Variants in LAP3 observed in about 807,000 individuals in gnomAD.
The protein encoded by LAP3 is cytosol aminopeptidase.
A neutral mutation model predicts 58.8 loss-of-function variants in LAP3; 46 were observed. The ratio of observed to expected loss-of-function variants is 0.78; its 90% CI spans 0.62 to 1.00. The LOEUF is 1.00. Among genes scored for constraint, LAP3 ranks in the 50% least tolerant of loss-of-function variants. The pLI is 0.00. For missense variants in LAP3, 615 were observed against 659.1 expected, an observed-to-expected ratio of 0.93 and a Z score of 0.73; for synonymous variants, 257 against 237.7, an observed-to-expected ratio of 1.08 and a Z score of -0.75.
In LAP3 at chr4:17,598,569, G is replaced by T. The variant is rs763777705; in HGVS notation, c.1180+11G>T. 1.3e-6 allele frequency: 2 copies of T among 1,579,788 alleles called. No individual in the cohort carries two copies. The highest frequency in any genetic ancestry group is 4.5e-5 in the East Asian group (2 of 44,738). ...CCGCCACCTTAACAGGTCAGACCGC[G>T]CACTTGCCTTGATTTTGTTTGAAGG... is the stretch of plus-strand genomic sequence containing the variant. On this transcript the variant is annotated intron_variant, in intron 10 of 12. Transcript: ENST00000226299.
chr4:17,604,582 T>G lies in LAP3; in HGVS notation c.1181-6T>G. On this transcript the variant is annotated splice_polypyrimidine_tract_variant and splice_region_variant and intron_variant, in intron 10 of 12. Transcript: ENST00000226299. ...TGCACGTGACCTGAGGGCTTGTGTCTTACAGGTGCCATGGATGTAGCTTTG... is the reference window on the plus strand; with the variant it reads ...TGCACGTGACCTGAGGGCTTGTGTCGTACAGGTGCCATGGATGTAGCTTTG... The G allele has an allele frequency of 6.2e-7, 1 of 1,613,510 alleles. No homozygotes were observed. Among genetic ancestry groups the G allele is most frequent in the Non-Finnish European group, 8.5e-7 (1 of 1,179,418 alleles).
At chr4:17,607,049 G>T in intron 12 of LAP3, 111 bp downstream of exon 12, 1 of 646,724 alleles carries the variant, frequency 1.5e-6, no homozygotes, top group Non-Finnish European at 2.6e-6. Flanking sequence ...ATTTCCTTTT[G>T]GTGTAGTGCT....
intron 9 of LAP3, among the ~76,000 whole-genome samples, chr4:17,598,246 AC>A (rs1296464952): frequency 2.0e-5 from 3 of 152,084 alleles, no homozygotes; most frequent in Non-Finnish European, 4.4e-5. Flanking sequence ...CTGTCTGCCC[AC>A]CTCTACCTCC....
chr4:17,578,319 T>A (rs1713266578), intron 1 of LAP3, among the ~76,000 whole-genome samples: 1 of 152,182 alleles, frequency 6.6e-6, no homozygotes, highest in Non-Finnish European at 1.5e-5. Context: ...CTATCTCCAG[T>A]ACTGTGCCAC....
In LAP3 at chr4:17,607,719, A is replaced by C; in HGVS notation, c.*130A>C. 1.5e-6 allele frequency: 1 copy of C among 650,250 alleles called. No homozygotes were observed. Among genetic ancestry groups the C allele is most frequent in the Non-Finnish European group, 2.5e-6 (1 of 406,628 alleles). 40.3% of individuals were successfully genotyped at this position (650,250 alleles called of 1,614,324 possible). On this transcript the variant is annotated 3_prime_UTR_variant, in exon 13 of 13. Coordinates refer to ENST00000226299, the MANE Select transcript of LAP3 (RefSeq NM_015907.3). Reference sequence around the variant, plus strand: ...TATTTAAAAATGTAGAACACAATGAAATTTGTATGCCTTGATTTTTTTTTC... The same window carrying C: ...TATTTAAAAATGTAGAACACAATGACATTTGTATGCCTTGATTTTTTTTTC...
chr4:17,581,221 A>G (rs189630112), intron 2 of LAP3, among the ~76,000 whole-genome samples: 3 of 152,346 alleles, frequency 2.0e-5, no homozygotes, highest in African/African-American at 4.8e-5. Flanking sequence ...CTCCAAGCCA[A>G]CCACCACTTA....
Position 17,588,882 on chromosome 4 carries a change from C to T in LAP3, c.768C>T (p.Asp256=), listed in dbSNP as rs12507986. The T allele has an allele frequency of 0.011, 17,403 of 1,613,948 alleles. 1,302 individuals are homozygous for T. The African/African-American group carries it at 0.18, about 17-fold the overall frequency. ...TCCTCAGTGTGGCCAAAGGATCTGA[C>T]GAGCCCCCAGTCTTCTTGGAAATTC... The part of the protein sequence containing the change: ...GSFLSVAKGS[D]EPPVFLEIHY... Residue 256 remains aspartate (D), a synonymous_variant, in exon 7 of 13, where the codon GAC becomes GAT. Coordinates refer to ENST00000226299, the MANE Select transcript of LAP3 (RefSeq NM_015907.3).
At chr4:17,582,581 T>C in intron 4 of LAP3, 188 bp downstream of exon 4, 1 of 550,128 alleles carries the variant, frequency 1.8e-6, no homozygotes, top group Non-Finnish European at 3.3e-6. Context: ...GAAGGTTAGC[T>C]AATGGAATTT....
chr4:17,606,926 T>C lies in LAP3; in HGVS notation c.1358T>C (p.Ile453Thr). Residue 453 changes from isoleucine to threonine, a missense_variant, in exon 12 of 13, where the codon ATT (isoleucine) becomes ACT (threonine). By Grantham distance (89) the Ile-to-Thr change is moderately conservative. Transcript: ENST00000226299. ...VDCQLADVNN[I>T]GKYRSAGACT... ...TGCCAGCTTGCTGATGTTAACAACATTGGAAAATACAGGTATGTAAGCTAA... is the reference window on the plus strand; with the variant it reads ...TGCCAGCTTGCTGATGTTAACAACACTGGAAAATACAGGTATGTAAGCTAA... 2 of 1,606,628 alleles carry C rather than the reference T, an allele frequency of 1.2e-6. No individual in the cohort carries two copies. The highest frequency in any genetic ancestry group is 2.2e-5 in the East Asian group (1 of 44,828).
At position 17,599,484 on chromosome 4, in the gene LAP3, C is replaced by T. The variant is rs145345613; in HGVS notation, c.1180+926C>T. On this transcript the variant is annotated intron_variant, in intron 10 of 12. Transcript: ENST00000226299. ...CCCAGAGGTGGAGGTTGTAGTGAGC[C>T]GAGATCATGCCACTGCACTCCAGCT... Among the ~76,000 whole-genome samples, 730 of 152,052 alleles carry T rather than the reference C, an allele frequency of 4.8e-3. 6 individuals carry two copies. Among genetic ancestry groups the T allele is most frequent in the African/African-American group, 0.016 (660 of 41,472 alleles).
At chr4:17,606,761 A>G (rs907269668) in intron 11 of LAP3, 68 bp from the exon 12 acceptor site, 1 of 925,704 alleles carries the variant, frequency 1.1e-6, no homozygotes, top group Non-Finnish European at 1.7e-6. Flanking sequence ...TGCATTGAGC[A>G]TGTTAATGCC....
At chr4:17,580,862 A>G (rs1713344912) in intron 2 of LAP3, among the ~76,000 whole-genome samples, 1 of 152,240 alleles carries the variant, frequency 6.6e-6, no homozygotes, top group Non-Finnish European at 1.5e-5. Flanking sequence ...AAACCACTGC[A>G]ACTATGTATT....
chr4:17,581,577 T>TA (rs5856433), intron 2 of LAP3, among the ~76,000 whole-genome samples, 183 bp from the exon 3 acceptor site: 132 of 147,892 alleles, frequency 8.9e-4, no homozygotes, highest in African/African-American at 2.8e-3. Flanking sequence ...TGTCTCTATT[T>TA]AAAAAAAAAA....
At chr4:17,580,176 A>ATG (rs1166768597) in intron 2 of LAP3, among the ~76,000 whole-genome samples, 2 of 65,572 alleles carry the variant, frequency 3.1e-5, no homozygotes, top group African/African-American at 1.7e-4. Context: ...ATATATATAT[A>ATG]TATATGTATT....
In LAP3 at chr4:17,583,485, G is replaced by C; in HGVS notation, c.382G>C (p.Gly128Arg). 1 of 1,613,628 alleles carries C rather than the reference G, an allele frequency of 6.2e-7. No individual in the cohort carries two copies. The highest frequency in any genetic ancestry group is 8.5e-7 in the Non-Finnish European group (1 of 1,180,018). The stretch of plus-strand genomic sequence containing the variant: ...TCTGATTCCTCTGTCTTTTCAAGCG[G>C]GGTGCAGGCAGATTCAAGACCTGGA... ...KENIRAAVAAGCRQIQDLELS... is the reference protein window; with the variant it reads ...KENIRAAVAARCRQIQDLELS... The change falls in exon 5 of 13, where the codon GGG becomes CGG. Residue 128 changes from glycine to arginine, a missense_variant and splice_region_variant. Transcript: ENST00000226299.
chr4:17,607,227 C>G (rs1714163612), intron 12 of LAP3, among the ~76,000 whole-genome samples, 173 bp from the exon 13 acceptor site: 1 of 152,184 alleles, frequency 6.6e-6, no homozygotes, highest in African/African-American at 2.4e-5. Context: ...TCCTTTACTG[C>G]TTAAAGCAAT....
chr4:17,579,813 C>G lies in LAP3; in HGVS notation c.103-11C>G, dbSNP rs955351327. On this transcript the variant is annotated splice_polypyrimidine_tract_variant and intron_variant, in intron 1 of 12. Transcript: ENST00000226299. Reference sequence around the variant, plus strand: ...AATTCTATTATATTTACGTTTTTTGCTTATTCCCAGGGCCTTGTTTTAGGA... The same window carrying G: ...AATTCTATTATATTTACGTTTTTTGGTTATTCCCAGGGCCTTGTTTTAGGA... 1 of 1,524,380 alleles carries G rather than the reference C, an allele frequency of 6.6e-7. No individual in the cohort carries two copies. Among genetic ancestry groups the G allele is most frequent in the Admixed American group, 1.8e-5 (1 of 56,494 alleles). The allele number at this position is 1,524,380 out of a possible 1,614,324, so 94.4% of individuals were successfully genotyped here. A position where few individuals can be genotyped will look rare whatever the true frequency, so the allele number is the denominator to read the frequency against.
At chr4:17,601,763 A>G (rs889206146) in intron 10 of LAP3, among the ~76,000 whole-genome samples, 1 of 152,146 alleles carries the variant, frequency 6.6e-6, no homozygotes, top group African/African-American at 2.4e-5. Context: ...TATTCGTTAC[A>G]CTGTATTGTT....
intron 10 of LAP3, among the ~76,000 whole-genome samples, chr4:17,599,105 A>G (rs10003291): frequency 6.6e-6 from 1 of 151,722 alleles, no homozygotes; most frequent in South Asian, 2.1e-4. Flanking sequence ...ACTCCTGACC[A>G]AGGTGATTCA....
Sources: allele counts gnomAD v4.1 joint callset (sites outside exome capture counted in the v4.1 genomes callset), GRCh38; gene constraint gnomAD v4.1.1; transcripts MANE v1.5; gene names NCBI Gene and HGNC (gene_info 2026-07-23, HGNC 2026-07-21).